MAML2: variants seen among roughly 807,000 people sequenced by gnomAD.
MAML2 encodes the protein mastermind-like protein 2.
In MAML2, 22 loss-of-function variants were observed where a neutral mutation model predicts 96.1. The ratio of observed to expected loss-of-function variants is 0.23; its 90% CI spans 0.16 to 0.33. The LOEUF (loss-of-function observed/expected upper bound fraction) is 0.33. MAML2 is among the 10% of genes least tolerant of loss of function. The pLI is 1.00. For missense variants in MAML2, 1,367 were observed against 1,392.4 expected (o/e 0.98, Z 0.29); for synonymous variants, 561 against 521.3 (o/e 1.08, Z -1.04).
Position 96,341,383 on chromosome 11 carries a change from C to T in MAML2, c.513G>A (p.Ala171=). ...PGDQRNSALI[A]LQGSLKRKQV... The stretch of plus-strand genomic sequence containing the variant: ...AACCATGAGAAAGCCAGGTGCTTAC[C>T]GCAATCAGGGCTGAGTTCCTCTGGT... The change falls in exon 1 of 5, where the codon GCG becomes GCA. Residue 171 remains alanine (A), a splice_region_variant and synonymous_variant. Coordinates refer to ENST00000524717, the MANE Select transcript of MAML2 (RefSeq NM_032427.4). The T allele has an allele frequency of 1.3e-6, 2 of 1,514,048 alleles. No individual in the cohort carries two copies. The highest frequency in any genetic ancestry group is 1.8e-6 in the Non-Finnish European group (2 of 1,125,292). The allele number at this position is 1,514,048 out of a possible 1,614,324, so 93.8% of individuals were successfully genotyped here. A position where few individuals can be genotyped will look rare whatever the true frequency, so the allele number is the denominator to read the frequency against.
intron 1 of MAML2, among the ~76,000 whole-genome samples, chr11:96,305,964 A>G (rs948049417): frequency 1.3e-5 from 2 of 152,196 alleles, no homozygotes; most frequent in African/African-American, 4.8e-5. Context: ...AACATTTAAA[A>G]TGTATCATAT....
intron 1 of MAML2, among the ~76,000 whole-genome samples, chr11:96,252,059 A>C (rs1398660637): frequency 2.0e-5 from 3 of 152,138 alleles, no homozygotes; most frequent in Non-Finnish European, 2.9e-5. Context: ...CACCAGACGG[A>C]GTAGCAAAGA....
intron 2 of MAML2, among the ~76,000 whole-genome samples, chr11:96,065,724 A>C (rs1859233758): frequency 6.6e-6 from 1 of 152,226 alleles, no homozygotes; most frequent in African/African-American, 2.4e-5. Flanking sequence ...CAGTGATGGA[A>C]CACAGAGAAT....
chr11:96,167,014 C>A (rs1698285682), intron 1 of MAML2, among the ~76,000 whole-genome samples: 2 of 152,194 alleles, frequency 1.3e-5, no homozygotes, highest in African/African-American at 4.8e-5. Context: ...CATTTGAAAA[C>A]TTGCTGTTCA....
chr11:96,002,746 GGATGATGAGGA>G lies in MAML2; in HGVS notation c.2140-11034_2140-11024del, dbSNP rs1353633945. 6.2e-3 allele frequency among the ~76,000 whole-genome samples: 890 copies of G among 143,036 alleles called. 21 individuals carry two copies. Among genetic ancestry groups the G allele is most frequent in the East Asian group, 0.043 (194 of 4,504 alleles). 93.8% of individuals were successfully genotyped at this position (143,036 alleles called of 152,430 possible). The stretch of plus-strand genomic sequence containing the variant: ...TGGGGGATGATAAGAAAGATGATCG[GGATGATGAGGA>G]GGATGATGAGGATGATGAGGATGAT... On this transcript the variant is annotated intron_variant, in intron 2 of 4. Transcript: ENST00000524717.
At chr11:95,983,725 G>GA (rs141007522) in intron 4 of MAML2, among the ~76,000 whole-genome samples, 2 of 151,642 alleles carry the variant, frequency 1.3e-5, no homozygotes, top group Non-Finnish European at 2.9e-5. Flanking sequence ...TAAGAAAATA[G>GA]AAAAAAAGCT....
At chr11:96,222,161 C>T (rs148439046) in intron 1 of MAML2, among the ~76,000 whole-genome samples, 171 of 152,312 alleles carry the variant, frequency 1.1e-3, no homozygotes, top group Non-Finnish European at 2.1e-3. Flanking sequence ...TAGGTAATCC[C>T]ACTGTTGCAG....
At chr11:96,289,811 A>T (rs56315948) in intron 1 of MAML2, among the ~76,000 whole-genome samples, 2 of 151,774 alleles carry the variant, frequency 1.3e-5, no homozygotes, top group African/African-American at 4.8e-5. Context: ...TCATACATTC[A>T]AAGGGGCAGA....
At chr11:96,121,804 T>TTTTTTTTTTTTTTTTTTTTTTTTA (rs1565221362) in intron 1 of MAML2, among the ~76,000 whole-genome samples, 1 of 137,252 alleles carries the variant, frequency 7.3e-6, no homozygotes, top group Non-Finnish European at 1.6e-5. Context: ...TTTTTTTTTT[T>TTTTTTTTTTTTTTTTTTTTTTTTA]GAGACGGAGT....
chr11:95,989,661 G>A (rs547335400), intron 3 of MAML2, among the ~76,000 whole-genome samples: 2 of 123,460 alleles, frequency 1.6e-5, no homozygotes, highest in South Asian at 2.7e-4. Context: ...GGAGGGGAAG[G>A]GAACAGGGGG....
At chr11:96,182,532 T>A (rs1861502775) in intron 1 of MAML2, among the ~76,000 whole-genome samples, 1 of 152,050 alleles carries the variant, frequency 6.6e-6, no homozygotes, top group African/African-American at 2.4e-5. Context: ...AAAGGCAGGG[T>A]ATTGCTACTA....
chr11:96,337,913 G>A (rs1049392911), intron 1 of MAML2, among the ~76,000 whole-genome samples: 2 of 152,210 alleles, frequency 1.3e-5, no homozygotes, highest in African/African-American at 4.8e-5. Context: ...TTCCACAGAT[G>A]ACTGCTAAGT....
intron 1 of MAML2, among the ~76,000 whole-genome samples, chr11:96,288,571 A>G (rs572883760): frequency 6.6e-6 from 1 of 151,872 alleles, no homozygotes; most frequent in East Asian, 1.9e-4. Flanking sequence ...ACAACCAAAA[A>G]CAGATAAGCA....
chr11:96,310,637 T>C (rs144874511), intron 1 of MAML2, among the ~76,000 whole-genome samples: 48 of 152,342 alleles, frequency 3.2e-4, no homozygotes, highest in Admixed American at 1.9e-3. Context: ...GTCAGTAATT[T>C]ATAACATGCT....
intron 2 of MAML2, among the ~76,000 whole-genome samples, chr11:96,091,615 A>G (rs1255060128): frequency 6.6e-6 from 1 of 152,186 alleles, no homozygotes; most frequent in Non-Finnish European, 1.5e-5. Flanking sequence ...TGGATATGTC[A>G]CTAACAGCAT....
At chr11:96,333,653 G>C (rs2136019132) in intron 1 of MAML2, among the ~76,000 whole-genome samples, 1 of 152,296 alleles carries the variant, frequency 6.6e-6, no homozygotes, top group African/African-American at 2.4e-5. Flanking sequence ...CTCCTGCTTA[G>C]GGTTGGAAAG....
intron 1 of MAML2, among the ~76,000 whole-genome samples, chr11:96,121,946 C>T (rs1307591265): frequency 4.0e-5 from 5 of 125,202 alleles, no homozygotes; most frequent in Non-Finnish European, 8.3e-5. Context: ...GCCACCACGC[C>T]CGGCTTTTTT....
At chr11:96,030,038 C>T (rs953443049) in intron 2 of MAML2, among the ~76,000 whole-genome samples, 1 of 152,080 alleles carries the variant, frequency 6.6e-6, no homozygotes, top group African/African-American at 2.4e-5. Context: ...TCGAGACCAA[C>T]CTGGCCAACA....
chr11:96,127,725 A>G (rs907033866), intron 1 of MAML2, among the ~76,000 whole-genome samples: 5 of 152,192 alleles, frequency 3.3e-5, no homozygotes, highest in Admixed American at 2.0e-4. Context: ...AATCCAGCCC[A>G]TCATTAACAG....
Sources: allele counts gnomAD v4.1 joint callset (sites outside exome capture counted in the v4.1 genomes callset), GRCh38; gene constraint gnomAD v4.1.1; transcripts MANE v1.5; gene names NCBI Gene and HGNC (gene_info 2026-07-23, HGNC 2026-07-21).